TTN: variants seen among roughly 807,000 people sequenced by gnomAD.
TTN encodes the protein titin, also known as connectin.
A neutral mutation model predicts 3,223.0 loss-of-function variants in TTN; 1,525 were observed. The ratio of observed to expected loss-of-function variants is 0.47; its 90% CI spans 0.45 to 0.49. TTN has a LOEUF of 0.49. TTN is among the 20% of genes least tolerant of loss of function. TTN has a pLI of 0.00. For synonymous variants in TTN, 14,094 were observed against 15,161.0 expected (o/e 0.93, Z 5.17); for missense variants, 40,786 against 43,424.0 (o/e 0.94, Z 5.40).
intron 121 of TTN, among the ~76,000 whole-genome samples, chr2:178,690,313 A>C (rs2072056087): frequency 6.6e-6 from 1 of 152,220 alleles, no homozygotes; most frequent in Non-Finnish European, 1.5e-5. Context: ...AAGACTAAGA[A>C]GTCTTAGAAT....
chr2:178,542,090 G>A, intron 349 of TTN, 174 bp downstream of exon 349: 1 of 581,490 alleles, frequency 1.7e-6, no homozygotes, highest in Non-Finnish European at 2.8e-6. Flanking sequence ...GAAAACCTCT[G>A]AGAAAAGGAG....
rs1229825752 is a variant in TTN, at chr2:178,723,626, G to A, written c.21474C>T (p.Ser7158=). The A allele has an allele frequency of 2.5e-6, 4 of 1,611,176 alleles. No individual in the cohort carries two copies. Among genetic ancestry groups the A allele is most frequent in the Non-Finnish European group, 3.4e-6 (4 of 1,178,820 alleles). The change falls in exon 74 of 363, where the codon AGC becomes AGT. Residue 7158 remains serine, a synonymous_variant. Coordinates refer to ENST00000589042, the MANE Select transcript of TTN (RefSeq NM_001267550.2). ...VLPGKNVTFT[S]VIRGTPPFKV... ...TGAATGGAGGGGTTCCTCTAATAAC[G>A]CTTGTGAAGGTTACATTTTTGCCTG... is the stretch of plus-strand genomic sequence containing the variant.
Position 178,540,430 on chromosome 2 carries a change from GC to G in TTN, c.97796-61del, listed in dbSNP as rs1271287946. 2.2e-6 allele frequency: 3 copies of G among 1,358,208 alleles called. No individual in the cohort carries two copies. The African/African-American group carries it at 4.4e-5, about 20-fold the overall frequency. The allele number at this position is 1,358,208 out of a possible 1,614,324, so 84.1% of individuals were successfully genotyped here. ...TGCTGCAAAGTTGAAAATTAGCTGTGCCACCTAACAAATTCAATGAGTTGTT... is the reference window on the plus strand; with the variant it reads ...TGCTGCAAAGTTGAAAATTAGCTGTGCACCTAACAAATTCAATGAGTTGTT... On this transcript the variant is annotated intron_variant, in intron 350 of 362. Transcript: ENST00000589042.
At chr2:178,603,177 C>G (rs757215064) in intron 282 of TTN, among the ~76,000 whole-genome samples, 1 of 151,954 alleles carries the variant, frequency 6.6e-6, no homozygotes, top group Non-Finnish European at 1.5e-5. Flanking sequence ...GCACAAAGCA[C>G]ATGTTCAATA....
At chr2:178,787,590 A>T (rs945264247) in intron 13 of TTN, among the ~76,000 whole-genome samples, 5 of 152,110 alleles carry the variant, frequency 3.3e-5, no homozygotes. Flanking sequence ...TCTGCTATGA[A>T]GTAGTCAGCT....
At chr2:178,744,474 G>A (rs532261485) in intron 47 of TTN, 4 of 855,942 alleles carry the variant, frequency 4.7e-6, no homozygotes, top group African/African-American at 1.8e-5. Context: ...AGATATTAAG[G>A]AGTATGTTAA....
intron 45 of TTN, among the ~76,000 whole-genome samples, chr2:178,757,186 T>C (rs1318498358): frequency 1.3e-5 from 2 of 152,308 alleles, no homozygotes; most frequent in Admixed American, 6.5e-5. Context: ...TTACTTTAAG[T>C]ACAGTAAGTA....
intron 137 of TTN, 90 bp from the exon 138 acceptor site, chr2:178,681,261 C>T (rs1393785437): frequency 2.8e-6 from 4 of 1,446,454 alleles, no homozygotes; most frequent in African/African-American, 1.4e-5. Flanking sequence ...ATGTAAGAAT[C>T]AGGACAAGAA....
chr2:178,771,827 A>AT (rs1344628747), intron 33 of TTN, among the ~76,000 whole-genome samples: 1 of 152,156 alleles, frequency 6.6e-6, no homozygotes, highest in African/African-American at 2.4e-5. Flanking sequence ...TGGGAATCTG[A>AT]TATTTTGACT....
In TTN at chr2:178,570,803, C is replaced by T. The variant is rs757674072; in HGVS notation, c.75329G>A (p.Arg25110Gln). The change falls in exon 326 of 363, where the codon CGA becomes CAA. Residue 25110 changes from arginine to glutamine, a missense_variant. Physicochemically the swap from Arg to Gln is conservative, Grantham distance 43. Transcript: ENST00000589042. ...TTTGTATTTTGGATCCATACTTATT[C>T]GTGGTGGATCTACCTCATCTCTAGC... ...ITARDEVDPP[R>Q]ISMDPKYKDT... 14 of 1,613,402 alleles carry T rather than the reference C, an allele frequency of 8.7e-6. No individual in the cohort carries two copies. Among genetic ancestry groups the T allele is most frequent in the South Asian group, 4.4e-5 (4 of 91,088 alleles).
chr2:178,647,166 A>T, intron 214 of TTN, 22 bp from the exon 215 acceptor site: 2 of 1,324,370 alleles, frequency 1.5e-6, no homozygotes, highest in Non-Finnish European at 2.0e-6. Context: ...ATAGTATTTT[A>T]TTTTAGACTA....
In TTN at chr2:178,546,733, A is replaced by G; in HGVS notation, c.94695T>C (p.Ser31565=). The change falls in exon 341 of 363, where the codon TCT becomes TCC. Residue 31565 remains serine (S), a synonymous_variant. Coordinates refer to ENST00000589042, the MANE Select transcript of TTN (RefSeq NM_001267550.2). ...RWLKCNYTIV[S]DNFFTVTALS... ...GAGCAGTCACGGTGAAGAAATTGTC[A>G]GATACAATGGTGTAGTTGCACTTCA... 1 of 1,613,806 alleles carries G rather than the reference A, an allele frequency of 6.2e-7. No individual in the cohort carries two copies. Among genetic ancestry groups the G allele is most frequent in the Non-Finnish European group, 8.5e-7 (1 of 1,179,762 alleles).
Position 178,615,710 on chromosome 2 carries a change from C to G in TTN, c.48391G>C (p.Ala16131Pro). Residue 16131 changes from alanine (A) to proline (P), a missense_variant, in exon 258 of 363, where the codon GCT becomes CCT. Physicochemically the swap from Ala to Pro is conservative, Grantham distance 27. Coordinates refer to ENST00000589042, the MANE Select transcript of TTN (RefSeq NM_001267550.2). ...QGKEYLFKVCARNKCGPGEPA... is the reference protein window; with the variant it reads ...QGKEYLFKVCPRNKCGPGEPA... Reference sequence around the variant, plus strand: ...TCTCCAGGGCCACATTTGTTACGAGCACAAACTTTAAATAAGTACTCTTTT... The same window carrying G: ...TCTCCAGGGCCACATTTGTTACGAGGACAAACTTTAAATAAGTACTCTTTT... 1 of 1,612,438 alleles carries G rather than the reference C, an allele frequency of 6.2e-7. No homozygotes were observed. The highest frequency in any genetic ancestry group is 1.3e-5 in the African/African-American group (1 of 74,908).
In TTN at chr2:178,567,995, T is replaced by C. The variant is rs780141110; in HGVS notation, c.78137A>G (p.His26046Arg). The C allele has an allele frequency of 1.9e-6, 3 of 1,613,384 alleles. No individual in the cohort carries two copies. The highest frequency in any genetic ancestry group is 2.7e-5 in the African/African-American group (2 of 74,898). Residue 26046 changes from histidine (H) to arginine (R), a missense_variant, in exon 326 of 363, where the codon CAT becomes CGT. By Grantham distance (29) the His-to-Arg change is conservative. Transcript: ENST00000589042. ...LWTKVNKTII[H>R]DTQFKAQNLE... ...ATTCTGTGCTTTGAATTGGGTGTCA[T>C]GAATAATAGTTTTGTTGACCTTTGT...
At chr2:178,762,513 C>G (rs544026733) in intron 43 of TTN, among the ~76,000 whole-genome samples, 1 of 152,202 alleles carries the variant, frequency 6.6e-6, no homozygotes, top group South Asian at 2.1e-4. Flanking sequence ...ATGTTATAGA[C>G]TTAAAAGCAC....
At chr2:178,770,888 G>T in intron 34 of TTN, 1 of 825,696 alleles carries the variant, frequency 1.2e-6, no homozygotes, top group Non-Finnish European at 2.1e-6. Context: ...ATTTTTCTAT[G>T]CTTTAGTAGT....
In TTN at chr2:178,545,616, C is replaced by T. The variant is rs753982218; in HGVS notation, c.95494G>A (p.Glu31832Lys). 5 of 1,613,652 alleles carry T rather than the reference C, an allele frequency of 3.1e-6. No individual in the cohort carries two copies. The Admixed American group carries it at 8.3e-5, about 27-fold the overall frequency. ...CTGATTTCATTGCCACCATCAGATT[C>T]AGGTTTTGTCCACTGAATGATGATA... Reference protein sequence around the residue: ...EHIIIQWTKPESDGGNEISNY... With the variant: ...EHIIIQWTKPKSDGGNEISNY... Residue 31832 changes from glutamate (E) to lysine (K), a missense_variant, in exon 344 of 363, where the codon GAA (glutamate) becomes AAA (lysine). By Grantham distance (56) the Glu-to-Lys change is moderately conservative (BLOSUM62 1). Transcript: ENST00000589042.
In TTN at chr2:178,646,438, A is replaced by G. The variant is rs756062547; in HGVS notation, c.40297+47T>C. 1.6e-5 allele frequency: 20 copies of G among 1,268,468 alleles called. No individual in the cohort carries two copies. In the South Asian group the frequency reaches 1.9e-4, roughly 12 times the overall value. The allele number at this position is 1,268,468 out of a possible 1,614,324, so 78.6% of individuals were successfully genotyped here. ...AACAACATAAACCATATACATTTCA[A>G]GAGAAAGAATATGATAAAGAAGATT... On this transcript the variant is annotated intron_variant, in intron 216 of 362. Coordinates refer to ENST00000589042, the MANE Select transcript of TTN (RefSeq NM_001267550.2).
chr2:178,642,046 TTCTG>T (rs1560031078), intron 219 of TTN, among the ~76,000 whole-genome samples, 187 bp downstream of exon 219: 1 of 151,716 alleles, frequency 6.6e-6, no homozygotes, highest in East Asian at 1.9e-4. Context: ...CTCACAAAAT[TTCTG>T]TCTTTTTTTT....
Sources: allele counts gnomAD v4.1 joint callset (sites outside exome capture counted in the v4.1 genomes callset), GRCh38; gene constraint gnomAD v4.1.1; transcripts MANE v1.5; gene names NCBI Gene and HGNC (gene_info 2026-07-23, HGNC 2026-07-21).